FYCO1: variants seen among roughly 807,000 people sequenced by gnomAD.
FYCO1 encodes the protein FYVE and coiled-coil domain autophagy adaptor 1.
Under a neutral mutation model 165.1 loss-of-function variants are expected in FYCO1, and 122 were observed. The observed-to-expected ratio is 0.74, with a 90% CI of 0.64 to 0.86. FYCO1 has a LOEUF of 0.86. FYCO1 is among the 40% of genes least tolerant of loss of function. The probability of loss-of-function intolerance (pLI) is 0.00; values close to 1 mark genes in which losing one functional copy is unlikely to be tolerated. For synonymous variants in FYCO1, 648 were observed against 742.5 expected (o/e 0.87, Z 2.07); for missense variants, 1,702 against 1,810.3 (o/e 0.94, Z 1.09).
chr3:45,956,646 T>C (rs527421976), intron 13 of FYCO1, among the ~76,000 whole-genome samples: 201 of 152,238 alleles, frequency 1.3e-3, no homozygotes, highest in Non-Finnish European at 2.6e-3. Context: ...TGTTTTTTTT[T>C]CCATCAATTC....
At chr3:45,971,610 C>A (rs1415108906) in intron 6 of FYCO1, among the ~76,000 whole-genome samples, 1 of 152,106 alleles carries the variant, frequency 6.6e-6, no homozygotes, top group Non-Finnish European at 1.5e-5. Flanking sequence ...AAACACTTAA[C>A]CTAAATCCAA....
At chr3:45,925,488 A>AT (rs1392135348) in intron 16 of FYCO1, among the ~76,000 whole-genome samples, 6 of 152,172 alleles carry the variant, frequency 3.9e-5, no homozygotes, top group Admixed American at 3.9e-4. Context: ...TTCAGTTTTA[A>AT]TTTTTTCCCA....
chr3:45,924,083 G>A (rs1038316078), intron 16 of FYCO1, among the ~76,000 whole-genome samples: 5 of 152,190 alleles, frequency 3.3e-5, no homozygotes, highest in Non-Finnish European at 5.9e-5. Flanking sequence ...TCTGCCTTCA[G>A]GATATGAAGC....
intron 17 of FYCO1, 90 bp from the exon 18 acceptor site, chr3:45,921,930 G>T: frequency 1.2e-6 from 1 of 810,218 alleles, no homozygotes; most frequent in Non-Finnish European, 2.2e-6. Context: ...TGTGGTCACT[G>T]CAGTGACCTG....
At position 45,967,297 on chromosome 3, in the gene FYCO1, C is replaced by T. The variant is rs373400491; in HGVS notation, c.2037G>A (p.Ala679=). ...SIRHLGDQME[A]SLLAVRKAKE... ...TGGCCTTCCTTACAGCCAGCAAGCTCGCCTCCATCTGGTCACCCAAGTGCC... is the reference window on the plus strand; with the variant it reads ...TGGCCTTCCTTACAGCCAGCAAGCTTGCCTCCATCTGGTCACCCAAGTGCC... The change falls in exon 8 of 18, where the codon GCG becomes GCA. Residue 679 remains alanine, a synonymous_variant. Coordinates refer to ENST00000296137, the MANE Select transcript of FYCO1 (RefSeq NM_024513.4). The T allele has an allele frequency of 2.3e-4, 373 of 1,613,926 alleles. No individual in the cohort carries two copies. Among genetic ancestry groups the T allele is most frequent in the South Asian group, 1.3e-3 (120 of 91,090 alleles).
At chr3:45,994,832 T>C (rs1219937467) in intron 1 of FYCO1, among the ~76,000 whole-genome samples, 1 of 151,964 alleles carries the variant, frequency 6.6e-6, no homozygotes, top group African/African-American at 2.4e-5. Context: ...GAAACTGCTG[T>C]GGTAAGACAA....
rs559343345 is a variant in FYCO1, at chr3:45,966,529, G to A, written c.2805C>T (p.Asp935=). ...ALACAVQELQ[D]AKEAASRERE... ...GCTCCCTTGAGGCTGCCTCTTTGGCGTCCTGGAGCTCCTGGACAGCACAGG... is the reference window on the plus strand; with the variant it reads ...GCTCCCTTGAGGCTGCCTCTTTGGCATCCTGGAGCTCCTGGACAGCACAGG... The change falls in exon 8 of 18, where the codon GAC becomes GAT. Residue 935 remains aspartate, a synonymous_variant. Coordinates refer to ENST00000296137, the MANE Select transcript of FYCO1 (RefSeq NM_024513.4). The A allele has an allele frequency of 4.8e-5, 78 of 1,613,542 alleles. No individual in the cohort carries two copies. Among genetic ancestry groups the A allele is most frequent in the Middle Eastern group, 3.3e-4 (2 of 6,058 alleles).
chr3:45,949,145 G>A (rs555447197), intron 14 of FYCO1, among the ~76,000 whole-genome samples: 42 of 152,274 alleles, frequency 2.8e-4, no homozygotes, highest in African/African-American at 9.4e-4. Context: ...GCCTTTCAGA[G>A]CCCACATGAT....
chr3:45,928,060 C>T (rs1703406271), intron 16 of FYCO1, among the ~76,000 whole-genome samples: 1 of 152,084 alleles, frequency 6.6e-6, no homozygotes, highest in Non-Finnish European at 1.5e-5. Flanking sequence ...TCAGCATATC[C>T]ACAAAATAGA....
rs1415351648 is a variant in FYCO1 at position 45,920,928 on chromosome 3, C to T, written c.*837G>A. 6.5e-6 allele frequency: 1 copy of T among 152,832 alleles called. No homozygotes were observed. Among genetic ancestry groups the T allele is most frequent in the East Asian group, 1.9e-4 (1 of 5,190 alleles). 9.5% of individuals were successfully genotyped at this position (152,832 alleles called of 1,614,324 possible). A position where few individuals can be genotyped will look rare whatever the true frequency, so the allele number is the denominator to read the frequency against. On this transcript the variant is annotated 3_prime_UTR_variant, in exon 18 of 18. Coordinates refer to ENST00000296137, the MANE Select transcript of FYCO1 (RefSeq NM_024513.4). ...AATGCACAATCCTGCTCTGTGGTCA[C>T]AACATCCACACTGGCTGGCATTTGG...
rs555399617 is a variant in FYCO1 at position 45,993,948 on chromosome 3, G to C, written c.-113+1774C>G. Among the ~76,000 whole-genome samples, 1 of 152,226 alleles carries C rather than the reference G, an allele frequency of 6.6e-6. No homozygotes were observed. The highest frequency in any genetic ancestry group is 2.4e-5 in the African/African-American group (1 of 41,454). On this transcript the variant is annotated intron_variant, in intron 1 of 17. Transcript: ENST00000296137. The surrounding 1 kb of genome is among the most constrained non-coding windows in gnomAD (Gnocchi z 4.4). ...GGGTGAGGGGGCTGCCATTTCTTGC[G>C]TACCTACTTTGTATTCTTGAGTCAG...
rs749527290 is a variant in FYCO1 at position 45,967,160 on chromosome 3, G to A, written c.2174C>T (p.Ala725Val). 17 of 1,613,172 alleles carry A rather than the reference G, an allele frequency of 1.1e-5. No individual in the cohort carries two copies. In the African/African-American group the frequency reaches 2.3e-4, roughly 22 times the overall value. ...GAGAGCCCTAAGCTCTCTGTGCCGG[G>A]CTTCTGCCAGTTGCTGGCACTGCTC... Reference protein sequence around the residue: ...EVEQCQQLAEARHRELRALES... With the variant: ...EVEQCQQLAEVRHRELRALES... The change falls in exon 8 of 18, where the codon GCC (alanine) becomes GTC (valine). Residue 725 changes from alanine (A) to valine (V), a missense_variant. By Grantham distance (64) the Ala-to-Val change is moderately conservative (BLOSUM62 0). Coordinates refer to ENST00000296137, the MANE Select transcript of FYCO1 (RefSeq NM_024513.4).
At chr3:45,947,321 G>A (rs377079657) in intron 14 of FYCO1, 10 of 1,614,056 alleles carry the variant, frequency 6.2e-6, no homozygotes, top group Non-Finnish European at 8.5e-6. Flanking sequence ...CATACCTGAG[G>A]GCCTGCCTTA....
At chr3:45,975,416 A>G in intron 4 of FYCO1, 71 bp from the exon 5 acceptor site, 1 of 1,194,988 alleles carries the variant, frequency 8.4e-7, no homozygotes, top group Non-Finnish European at 1.2e-6. Flanking sequence ...GGTCTCATAG[A>G]TGGCTTGTGA....
At chr3:45,982,700 A>G (rs1218745196) in intron 2 of FYCO1, among the ~76,000 whole-genome samples, 9 of 152,218 alleles carry the variant, frequency 5.9e-5, no homozygotes, top group Admixed American at 6.5e-5. Context: ...CCCTGCTCCC[A>G]AGAACCATGG....
Position 45,956,101 on chromosome 3 carries a change from C to T in FYCO1, c.3800-708G>A, listed in dbSNP as rs183453282. On this transcript the variant is annotated intron_variant, in intron 13 of 17. Transcript: ENST00000296137. ...CTATAATCCCAGCACTTTGGGAAGC[C>T]GGGGTGGGTGGATCACTTGAGGCCA... Among the ~76,000 whole-genome samples the T allele has an allele frequency of 1.4e-3, 214 of 152,198 alleles. 1 individual carries two copies. The highest frequency in any genetic ancestry group is 2.7e-3 in the Admixed American group (41 of 15,286).
chr3:45,989,716 T>C (rs553544944), intron 1 of FYCO1, among the ~76,000 whole-genome samples: 2 of 152,234 alleles, frequency 1.3e-5, no homozygotes, highest in Non-Finnish European at 2.9e-5. Flanking sequence ...CTTGGTCCCC[T>C]TCCCCCCACC....
At chr3:45,979,951 G>C in intron 3 of FYCO1, 121 bp from the exon 4 acceptor site, 1 of 1,245,448 alleles carries the variant, frequency 8.0e-7, no homozygotes, top group African/African-American at 1.5e-5. Flanking sequence ...CCCTTTATTG[G>C]CATTATTTTT....
At position 45,993,589 on chromosome 3, in the gene FYCO1, T is replaced by G. The variant is rs1707657333; in HGVS notation, c.-113+2133A>C. ...CACAAACAAAATACTGTTTATCTTT[T>G]GACTAAGACAAGAACATAGCAGTCA... On this transcript the variant is annotated intron_variant, in intron 1 of 17. Coordinates refer to ENST00000296137, the MANE Select transcript of FYCO1 (RefSeq NM_024513.4). This position sits in a 1 kb window ranked among gnomAD's most constrained non-coding sequence, Gnocchi z 4.4. Among the ~76,000 whole-genome samples the G allele has an allele frequency of 6.6e-6, 1 of 152,268 alleles. No homozygotes were observed.
Sources: allele counts gnomAD v4.1 joint callset (sites outside exome capture counted in the v4.1 genomes callset), GRCh38; gene constraint gnomAD v4.1.1; non-coding constraint Gnocchi (gnomAD v3.1); transcripts MANE v1.5; gene names NCBI Gene and HGNC (gene_info 2026-07-23, HGNC 2026-07-21).